FAM227B: variants seen among roughly 807,000 people sequenced by gnomAD.
The protein encoded by FAM227B is family with sequence similarity 227 member B.
FAM227B carries 88 observed loss-of-function variants against 73.8 expected under a neutral mutation model. The ratio of observed to expected loss-of-function variants is 1.19; its 90% confidence interval spans 1.00 to 1.42. The LOEUF is 1.42. Among genes scored for constraint, FAM227B ranks in the 40% most tolerant of loss-of-function variants. The probability of loss-of-function intolerance (pLI) is 0.00; values close to 1 mark genes in which losing one functional copy is unlikely to be tolerated. For synonymous variants in FAM227B, 210 were observed against 190.5 expected (o/e 1.10, Z -0.84); for missense variants, 632 against 590.9 (o/e 1.07, Z -0.72).
At chr15:49,465,960 C>G (rs991825591) in intron 11 of FAM227B, among the ~76,000 whole-genome samples, 1 of 152,064 alleles carries the variant, frequency 6.6e-6, no homozygotes, top group Admixed American at 6.6e-5. Flanking sequence ...TGGGGGTTAG[C>G]TGAAGCATAA....
chr15:49,392,295 T>C (rs376258999), intron 11 of FAM227B, among the ~76,000 whole-genome samples: 67 of 152,210 alleles, frequency 4.4e-4, no homozygotes, highest in African/African-American at 1.5e-3. Flanking sequence ...TGGAGAAGGA[T>C]TGAGTTCTAG....
At chr15:49,498,895 G>A (rs140146201) in intron 11 of FAM227B, among the ~76,000 whole-genome samples, 2,248 of 152,168 alleles carry the variant, frequency 0.015, 71 homozygotes, top group African/African-American at 0.052. Flanking sequence ...GGCCGGGCGC[G>A]GTGGCTCACG....
intron 11 of FAM227B, among the ~76,000 whole-genome samples, chr15:49,397,139 G>C (rs2047737522): frequency 6.6e-6 from 1 of 152,162 alleles, no homozygotes; most frequent in African/African-American, 2.4e-5. Flanking sequence ...AACGAATACA[G>C]AGAAGTGCTT....
At chr15:49,348,754 A>C (rs558347963) in intron 13 of FAM227B, among the ~76,000 whole-genome samples, 3 of 152,344 alleles carry the variant, frequency 2.0e-5, no homozygotes, top group African/African-American at 7.2e-5. Context: ...AGCATTCAAA[A>C]GGTTTGGCTT....
rs114374487 is a variant in FAM227B at position 49,568,177 on chromosome 15, A to C, written c.747+68T>G. On this transcript the variant is annotated intron_variant, in intron 9 of 15. Coordinates refer to ENST00000299338, the MANE Select transcript of FAM227B (RefSeq NM_152647.3). ...ATATATTCTCATATGGGTTTAAATA[A>C]AATAACGATTTTTTCTATTTCATTC... The C allele has an allele frequency of 1.6e-3, 2,163 of 1,356,502 alleles. 32 individuals are homozygous for C. In the African/African-American group the frequency reaches 0.029, roughly 18 times the overall value. The allele number at this position is 1,356,502 out of a possible 1,614,324, so 84.0% of individuals were successfully genotyped here.
chr15:49,470,244 T>G (rs994948691), intron 11 of FAM227B, among the ~76,000 whole-genome samples: 2 of 27,638 alleles, frequency 7.2e-5, no homozygotes, highest in Admixed American at 8.0e-4. Context: ...TTATAATTCT[T>G]TAACACTGGG....
At chr15:49,524,389 G>A (rs978799739) in intron 10 of FAM227B, among the ~76,000 whole-genome samples, 20 of 152,192 alleles carry the variant, frequency 1.3e-4, no homozygotes, top group African/African-American at 4.8e-4. Context: ...GAGCCTGCAG[G>A]TGCACAGAAG....
At chr15:49,513,883 T>G (rs1252304066) in intron 10 of FAM227B, among the ~76,000 whole-genome samples, 2 of 152,178 alleles carry the variant, frequency 1.3e-5, no homozygotes, top group African/African-American at 4.8e-5. Context: ...TTTTGTCAGG[T>G]TTGCCAAAGA....
intron 11 of FAM227B, among the ~76,000 whole-genome samples, chr15:49,373,818 C>A (rs1403015309): frequency 6.6e-6 from 1 of 152,012 alleles, no homozygotes; most frequent in Non-Finnish European, 1.5e-5. Flanking sequence ...GTGTAGGTCA[C>A]AAATATTAAT....
intron 14 of FAM227B, among the ~76,000 whole-genome samples, chr15:49,332,966 C>T (rs982363188): frequency 6.6e-6 from 1 of 151,760 alleles, no homozygotes; most frequent in East Asian, 1.9e-4. Context: ...TTGCTGATTG[C>T]TCTTTAGGCT....
intron 1 of FAM227B, among the ~76,000 whole-genome samples, chr15:49,615,490 G>A (rs2078231857): frequency 6.6e-6 from 1 of 152,062 alleles, no homozygotes; most frequent in East Asian, 1.9e-4. Context: ...TTTTGTGATA[G>A]ACTTCTCATG....
intron 13 of FAM227B, chr15:49,366,329 A>G: frequency 2.5e-6 from 2 of 786,662 alleles, no homozygotes; most frequent in Admixed American, 1.7e-5. Flanking sequence ...AGGAAATAGG[A>G]TACTGTTATT....
chr15:49,488,977 C>T (rs889463366), intron 11 of FAM227B: 2 of 152,062 alleles, frequency 1.3e-5, no homozygotes, highest in African/African-American at 4.8e-5. Flanking sequence ...ACCACATGGA[C>T]CTCTCCATAG....
chr15:49,539,236 C>T (rs1406236550), intron 10 of FAM227B, among the ~76,000 whole-genome samples: 1 of 152,294 alleles, frequency 6.6e-6, no homozygotes, highest in Admixed American at 6.5e-5. Flanking sequence ...CATCCTCAGT[C>T]GCCAAGGCTA....
chr15:49,544,702 T>G (rs1019699622), intron 9 of FAM227B, among the ~76,000 whole-genome samples: 1 of 152,136 alleles, frequency 6.6e-6, no homozygotes, highest in African/African-American at 2.4e-5. Flanking sequence ...TTGCTGAGGG[T>G]TTTAATCATA....
intron 11 of FAM227B, among the ~76,000 whole-genome samples, chr15:49,379,897 G>A (rs1443319452): frequency 6.6e-6 from 1 of 152,166 alleles, no homozygotes; most frequent in Non-Finnish European, 1.5e-5. Flanking sequence ...CCTGGCTACT[G>A]CCTATGTTTG....
intron 11 of FAM227B, among the ~76,000 whole-genome samples, chr15:49,472,255 G>C (rs1247621196): frequency 6.6e-6 from 1 of 152,156 alleles, no homozygotes; most frequent in East Asian, 1.9e-4. Flanking sequence ...CTGGAGGAGT[G>C]ACAACTCTGC....
chr15:49,607,861 A>G (rs2077623465), intron 3 of FAM227B, among the ~76,000 whole-genome samples: 1 of 152,206 alleles, frequency 6.6e-6, no homozygotes, highest in Admixed American at 6.5e-5. Flanking sequence ...GTAGCAGATC[A>G]TAATCTATTT....
At chr15:49,614,011 C>T (rs1206789168) in intron 2 of FAM227B, among the ~76,000 whole-genome samples, 3 of 152,178 alleles carry the variant, frequency 2.0e-5, no homozygotes, top group African/African-American at 7.2e-5. Flanking sequence ...AATACATTTA[C>T]AAATATACAG....
Sources: allele counts gnomAD v4.1 joint callset (sites outside exome capture counted in the v4.1 genomes callset), GRCh38; gene constraint gnomAD v4.1.1; transcripts MANE v1.5; gene names NCBI Gene and HGNC (gene_info 2026-07-23, HGNC 2026-07-21).